FOXP3: variants seen among roughly 807,000 people sequenced by gnomAD.
FOXP3 encodes the protein forkhead box P3.
Under a neutral mutation model 31.2 loss-of-function variants are expected in FOXP3, and 5 were observed. The ratio of observed to expected loss-of-function variants is 0.16; its 90% CI spans 0.08 to 0.34. FOXP3 has a LOEUF of 0.34. Ranked by LOEUF, FOXP3 falls within the 10% of genes least tolerant of loss-of-function variation. The pLI, the probability that FOXP3 is intolerant of heterozygous loss-of-function variation, is 1.00. For missense variants in FOXP3, 251 were observed against 363.0 expected, an observed-to-expected ratio of 0.69 and a Z score of 2.51; for synonymous variants, 141 against 148.8, an observed-to-expected ratio of 0.95 and a Z score of 0.38.
chrX:49,263,670 T>C (rs1323784425), intron 1 of FOXP3, among the ~76,000 whole-genome samples: 3 of 112,282 alleles, frequency 2.7e-5, no homozygotes, highest in South Asian at 3.6e-4. Flanking sequence ...GAAATACTAA[T>C]AGCTAACACT....
At chrX:49,253,667 A>G (rs2066048373) in intron 9 of FOXP3, among the ~76,000 whole-genome samples, 2 of 112,277 alleles carry the variant, frequency 1.8e-5, no homozygotes, top group African/African-American at 6.5e-5. Flanking sequence ...TGGGTGAGGC[A>G]TGGCCCCAAT....
In FOXP3 at chrX:49,252,058, A is replaced by C. The variant is rs782436746; in HGVS notation, c.1045-293T>G. ...CAGGGCTAGGGCTGAAGTGAGGTGA[A>C]AGGTCTGGGATGGAGTTGGAGTTGG... On this transcript the variant is annotated intron_variant, in intron 10 of 11. Coordinates refer to ENST00000376207, the MANE Select transcript of FOXP3 (RefSeq NM_014009.4). Among the ~76,000 whole-genome samples the C allele has an allele frequency of 6.6e-5, 7 of 106,705 alleles. 1 individual carries two copies. The South Asian group carries it at 3.1e-3, about 47-fold the overall frequency. The allele number at this position is 106,705 out of a possible 115,157, so 92.7% of individuals were successfully genotyped here.
At position 49,251,305 on chromosome X, in the gene FOXP3, C is replaced by A; in HGVS notation, c.*29G>T. Reference sequence around the variant, plus strand: ...GCCTCCCACCAGTTTGGCCCCTGTTCGTCCATCCTCCTTTCCTTGATCTTG... The same window carrying A: ...GCCTCCCACCAGTTTGGCCCCTGTTAGTCCATCCTCCTTTCCTTGATCTTG... On this transcript the variant is annotated 3_prime_UTR_variant, in exon 12 of 12. Coordinates refer to ENST00000376207, the MANE Select transcript of FOXP3 (RefSeq NM_014009.4). The A allele has an allele frequency of 8.3e-7, 1 of 1,200,936 alleles. No homozygotes were observed. The highest frequency in any genetic ancestry group is 2.2e-5 in the Admixed American group (1 of 45,118).
intron 1 of FOXP3, among the ~76,000 whole-genome samples, chrX:49,260,780 T>C (rs2066105262): frequency 8.9e-6 from 1 of 112,960 alleles, no homozygotes; most frequent in Non-Finnish European, 1.9e-5. Context: ...CTTGCCCAGA[T>C]TTTTCCGCCA....
At position 49,259,240 on chromosome X, in the gene FOXP3, T is replaced by C. The variant is rs1557116898; in HGVS notation, c.-22-713A>G. 4 of 525,039 alleles carry C rather than the reference T, an allele frequency of 7.6e-6. No homozygotes were observed. In the East Asian group the frequency reaches 1.4e-4, roughly 19 times the overall value. 43.3% of individuals were successfully genotyped at this position (525,039 alleles called of 1,213,427 possible). A position where few individuals can be genotyped will look rare whatever the true frequency, so the allele number is the denominator to read the frequency against. ...CTGACATTACCTGAGATGGGGGACA[T>C]GGCGGGGAGTTGGATTGGGTGCAAA... On this transcript the variant is annotated intron_variant, in intron 1 of 11. Coordinates refer to ENST00000376207, the MANE Select transcript of FOXP3 (RefSeq NM_014009.4).
At position 49,257,520 on chromosome X, in the gene FOXP3, G is replaced by A. The variant is rs782640594; in HGVS notation, c.361C>T (p.His121Tyr). The change falls in exon 4 of 12, where the codon CAC becomes TAC. Residue 121 changes from histidine (H) to tyrosine (Y), a missense_variant. This residue lies in a region of FOXP3 where 152 missense variants were observed against 188.1 expected (regional missense o/e 0.81). Coordinates refer to ENST00000376207, the MANE Select transcript of FOXP3 (RefSeq NM_014009.4). The stretch of plus-strand genomic sequence containing the variant: ...ATCATGGCTGGGCTCTCCAGGGGGT[G>A]CACCTGCAGCACAGGGGTCCGGGCG... ...AHARTPVLQV[H>Y]PLESPAMISL... 3.9e-5 allele frequency: 46 copies of A among 1,166,785 alleles called. No individual in the cohort carries two copies. The South Asian group carries it at 8.9e-4, about 23-fold the overall frequency.
chrX:49,252,996 C>T (rs1569529617), intron 10 of FOXP3, 130 bp downstream of exon 10: 2 of 552,765 alleles, frequency 3.6e-6, no homozygotes, highest in East Asian at 7.3e-5. Context: ...GCTTGGGGAT[C>T]CTTGGGGCTG....
At chrX:49,264,045 G>T (rs1015789474) in intron 1 of FOXP3, among the ~76,000 whole-genome samples, 1 of 111,770 alleles carries the variant, frequency 8.9e-6, no homozygotes, top group African/African-American at 3.3e-5. Flanking sequence ...TAGGCTGGAT[G>T]CTGGCTGGGA....
chrX:49,259,150 T>C lies in FOXP3; in HGVS notation c.-22-623A>G, dbSNP rs782119600. The C allele has an allele frequency of 2.3e-5, 12 of 522,854 alleles. No individual in the cohort carries two copies. The East Asian group carries it at 4.3e-4, about 19-fold the overall frequency. The allele number at this position is 522,854 out of a possible 1,213,427, so 43.1% of individuals were successfully genotyped here. ...TCAGGAGCAGTGCTAGCAGCTTGGA[T>C]GTAGTGGGCAAGAGGGAGAGTCAAA... On this transcript the variant is annotated intron_variant, in intron 1 of 11. Transcript: ENST00000376207.
rs367860281 is a variant in FOXP3, at chrX:49,253,186, C to T, written c.984G>A (p.Met328Ile). ...GCATGTTGTGGAACTTGAAGTAGTCCATGTTGTGGAGGAACTCTGTCAGAG... is the reference window on the plus strand; with the variant it reads ...GCATGTTGTGGAACTTGAAGTAGTCTATGTTGTGGAGGAACTCTGTCAGAG... ...NSTFPEFLHNMDYFKFHNMRP... is the reference protein window; with the variant it reads ...NSTFPEFLHNIDYFKFHNMRP... Residue 328 changes from methionine to isoleucine, a missense_variant, in exon 10 of 12, where the codon ATG becomes ATA. Transcript: ENST00000376207. 3.2e-5 allele frequency: 39 copies of T among 1,207,149 alleles called. No individual in the cohort carries two copies. Among genetic ancestry groups the T allele is most frequent in the African/African-American group, 2.3e-4 (13 of 56,722 alleles).
At chrX:49,256,681 T>C (rs1569529760) in intron 6 of FOXP3, 70 bp downstream of exon 6, 4 of 910,382 alleles carry the variant, frequency 4.4e-6, no homozygotes, top group Non-Finnish European at 6.4e-6. Context: ...AAGCCTGAGC[T>C]GAGATCTGCA....
At position 49,254,011 on chromosome X, in the gene FOXP3, G is replaced by C; in HGVS notation, c.873C>G (p.Val291=). ...CCCGGGGGCCAGACCAGGCTGGGACGACAGGGCCTTGGCTGCCAGCAGCTA... is the reference window on the plus strand; with the variant it reads ...CCCGGGGGCCAGACCAGGCTGGGACCACAGGGCCTTGGCTGCCAGCAGCTA... ...CIVAAGSQGP[V]VPAWSGPREA... is the part of the protein sequence containing the mutation. Residue 291 remains valine, a synonymous_variant, in exon 9 of 12, where the codon GTC becomes GTG. Transcript: ENST00000376207. The C allele has an allele frequency of 8.3e-7, 1 of 1,209,156 alleles. No individual in the cohort carries two copies. Among genetic ancestry groups the C allele is most frequent in the Non-Finnish European group, 1.1e-6 (1 of 894,174 alleles).
At chrX:49,251,603 C>T (rs1557115572) in intron 11 of FOXP3, 61 bp downstream of exon 11, 19 of 1,209,026 alleles carry the variant, frequency 1.6e-5, no homozygotes, top group Non-Finnish European at 2.1e-5. Flanking sequence ...CAGGCCTGCC[C>T]ACTTTGAGCT....
rs782697697 is a variant in FOXP3, at chrX:49,255,861, T to C, written c.648-59A>G. On this transcript the variant is annotated intron_variant, in intron 6 of 11. Coordinates refer to ENST00000376207, the MANE Select transcript of FOXP3 (RefSeq NM_014009.4). ...CGACAGGCCTGGTCTGGCTCAATGC[T>C]CTGAATGGGGAGGGCCCAGACCCTC... The C allele has an allele frequency of 1.4e-5, 14 of 1,035,046 alleles. No homozygotes were observed. In the East Asian group the frequency reaches 3.2e-4, roughly 24 times the overall value. The allele number at this position is 1,035,046 out of a possible 1,213,427, so 85.3% of individuals were successfully genotyped here. A position where few individuals can be genotyped will look rare whatever the true frequency, so the allele number is the denominator to read the frequency against.
At chrX:49,257,066 G>C in intron 4 of FOXP3, 54 bp from the exon 5 acceptor site, 1 of 1,004,342 alleles carries the variant, frequency 1.0e-6, no homozygotes, top group Middle Eastern at 3.8e-4. Context: ...TCTGGAGCTT[G>C]GCCCACAAGG....
At chrX:49,259,138 T>C in intron 1 of FOXP3, 1 of 524,711 alleles carries the variant, frequency 1.9e-6, no homozygotes, top group South Asian at 2.5e-5. Flanking sequence ...GGAGCAGTGC[T>C]AGCAGCTTGG....
intron 1 of FOXP3, among the ~76,000 whole-genome samples, chrX:49,259,824 A>G (rs2066099473): frequency 9.0e-6 from 1 of 111,461 alleles, no homozygotes; most frequent in Admixed American, 9.5e-5. Context: ...TTCTTTAGGA[A>G]GTGTTTCCGT....
chrX:49,262,617 T>C (rs1347168868), intron 1 of FOXP3, among the ~76,000 whole-genome samples: 1 of 112,507 alleles, frequency 8.9e-6, no homozygotes, highest in Non-Finnish European at 1.9e-5. Context: ...GGGTTTATTG[T>C]GTGTCAGGCC....
chrX:49,251,208 G>T lies in FOXP3; in HGVS notation c.*126C>A. On this transcript the variant is annotated 3_prime_UTR_variant, in exon 12 of 12. Coordinates refer to ENST00000376207, the MANE Select transcript of FOXP3 (RefSeq NM_014009.4). Reference sequence around the variant, plus strand: ...GGGGAACAGGGGCCCTGGCAGGCAAGACAGTGGAAACCTCACTTCTTGGTC... The same window carrying T: ...GGGGAACAGGGGCCCTGGCAGGCAATACAGTGGAAACCTCACTTCTTGGTC... 1 of 840,433 alleles carries T rather than the reference G, an allele frequency of 1.2e-6. No homozygotes were observed. Among genetic ancestry groups the T allele is most frequent in the Non-Finnish European group, 1.7e-6 (1 of 587,426 alleles). The allele number at this position is 840,433 out of a possible 1,213,427, so 69.3% of individuals were successfully genotyped here.
Sources: allele counts gnomAD v4.1 joint callset (sites outside exome capture counted in the v4.1 genomes callset), GRCh38; gene constraint gnomAD v4.1.1; regional missense constraint gnomAD v4.1.1; transcripts MANE v1.5; gene names NCBI Gene and HGNC (gene_info 2026-07-23, HGNC 2026-07-21).